The following ESD variants were observed in gnomAD, a reference collection of about 807,000 sequenced individuals.
ESD encodes the protein esterase D.
In ESD, 34 loss-of-function variants were observed where a neutral mutation model predicts 38.1. The observed-to-expected ratio is 0.89, with a 90% CI of 0.68 to 1.19. ESD has a LOEUF of 1.19. Among genes scored for constraint, ESD ranks in the 50% most tolerant of loss-of-function variants. The pLI, the probability that ESD is intolerant of heterozygous loss-of-function variation, is 0.00. For missense variants in ESD, 334 were observed against 327.2 expected (o/e 1.02, Z -0.16); for synonymous variants, 97 against 107.0 (o/e 0.91, Z 0.58).
chr13:46,790,008 ATT>A (rs544499790), intron 3 of ESD, among the ~76,000 whole-genome samples: 9 of 136,054 alleles, frequency 6.6e-5, no homozygotes, highest in South Asian at 2.4e-4. Context: ...ATATATATAT[ATT>A]TTTTTTTTTT....
intron 4 of ESD, 38 bp downstream of exon 4, chr13:46,786,983 A>G (rs761582331): frequency 7.7e-6 from 10 of 1,302,402 alleles, no homozygotes; most frequent in Non-Finnish European, 1.0e-5. Flanking sequence ...AAAAGAAAAT[A>G]GAAACGACTT....
Position 46,782,680 on chromosome 13 carries a change from T to C in ESD, c.368A>G (p.Tyr123Cys). 6.2e-7 allele frequency: 1 copy of C among 1,611,974 alleles called. No individual in the cohort carries two copies. The highest frequency in any genetic ancestry group is 8.5e-7 in the Non-Finnish European group (1 of 1,178,632). The change falls in exon 6 of 10, where the codon TAT (tyrosine) becomes TGT (cysteine). Residue 123 changes from tyrosine (Y) to cysteine (C), a missense_variant. Tyr to Cys is a radical substitution (Grantham distance 194). Transcript: ENST00000378720. ...AAATTAAATTACCTCCTCTGTGACA[T>C]AAGAGTACATTCTGTAGTTGGTTTT... ...PWKTNYRMYS[Y>C]VTEELPQLIN...
chr13:46,783,166 G>A (rs1357665614), intron 5 of ESD, among the ~76,000 whole-genome samples: 1 of 151,934 alleles, frequency 6.6e-6, no homozygotes, highest in African/African-American at 2.4e-5. Flanking sequence ...AATGTGTTGT[G>A]ATCCCTTCCC....
intron 8 of ESD, 88 bp downstream of exon 8, chr13:46,779,847 G>C: frequency 1.2e-6 from 1 of 862,258 alleles, no homozygotes; most frequent in Admixed American, 2.7e-5. Flanking sequence ...GCCCTAACAT[G>C]AGCAGGGTAG....
chr13:46,774,614 C>A (rs1411627115), intron 9 of ESD, among the ~76,000 whole-genome samples: 3 of 152,094 alleles, frequency 2.0e-5, no homozygotes, highest in Non-Finnish European at 2.9e-5. Context: ...TAAATGAACA[C>A]CTTTCATTCT....
At chr13:46,785,765 T>G (rs1289238592) in intron 4 of ESD, 1 of 152,044 alleles carries the variant, frequency 6.6e-6, no homozygotes, top group African/African-American at 2.4e-5. Flanking sequence ...TTTATACTTG[T>G]AAAGCTCAGA....
intron 6 of ESD, among the ~76,000 whole-genome samples, chr13:46,782,197 T>G (rs1875027805): frequency 1.3e-5 from 2 of 151,454 alleles, no homozygotes; most frequent in Non-Finnish European, 3.0e-5. Flanking sequence ...TTTGGGGGGG[T>G]AACAGAATTA....
At chr13:46,777,249 C>T in intron 9 of ESD, 1 of 359,246 alleles carries the variant, frequency 2.8e-6, no homozygotes. Flanking sequence ...ATATTTTTCA[C>T]TGCCAAAAGC....
At chr13:46,782,926 G>A (rs1246562526) in intron 5 of ESD, 135 bp from the exon 6 acceptor site, 1 of 1,098,594 alleles carries the variant, frequency 9.1e-7, no homozygotes, top group African/African-American at 1.6e-5. Flanking sequence ...CTGCCTTTTG[G>A]AGCACATGAT....
chr13:46,785,280 C>A (rs1381761698), intron 4 of ESD, among the ~76,000 whole-genome samples: 1 of 151,892 alleles, frequency 6.6e-6, no homozygotes, highest in Non-Finnish European at 1.5e-5. Flanking sequence ...AACTAGCAAT[C>A]GATTTTATTG....
At position 46,779,386 on chromosome 13, in the gene ESD, C is replaced by T. The variant is rs1467181371; in HGVS notation, c.600+549G>A. The stretch of plus-strand genomic sequence containing the variant: ...AAATTTAGTAACACAGGTTGAACAT[C>T]CCTAATCCAAAAATCCAAAATCAGA... On this transcript the variant is annotated intron_variant, in intron 8 of 9. Coordinates refer to ENST00000378720, the MANE Select transcript of ESD (RefSeq NM_001984.2). 3.3e-5 allele frequency among the ~76,000 whole-genome samples: 5 copies of T among 151,542 alleles called. No homozygotes were observed. In the East Asian group the frequency reaches 9.7e-4, roughly 29 times the overall value.
intron 8 of ESD, among the ~76,000 whole-genome samples, 195 bp downstream of exon 8, chr13:46,779,740 A>AAT (rs1874932887): frequency 6.8e-6 from 1 of 146,018 alleles, no homozygotes; most frequent in African/African-American, 2.5e-5. Context: ...TATATATAAT[A>AAT]ATATATATAA....
chr13:46,774,378 T>G (rs1205075036), intron 9 of ESD, among the ~76,000 whole-genome samples: 2 of 152,170 alleles, frequency 1.3e-5, no homozygotes, highest in Non-Finnish European at 2.9e-5. Flanking sequence ...GTTACACAAT[T>G]CGAGCTAATT....
At chr13:46,773,586 A>G (rs879638036) in intron 9 of ESD, among the ~76,000 whole-genome samples, 3 of 152,240 alleles carry the variant, frequency 2.0e-5, no homozygotes, top group Non-Finnish European at 2.9e-5. Flanking sequence ...AGAACAAGGA[A>G]ATCCCCAAGG....
At chr13:46,781,433 A>G in intron 7 of ESD, 63 bp downstream of exon 7, 1 of 1,421,040 alleles carries the variant, frequency 7.0e-7, no homozygotes, top group South Asian at 1.3e-5. Flanking sequence ...TTACTCTTTG[A>G]AGGTTCCTAA....
At chr13:46,790,040 C>A (rs1345059335) in intron 3 of ESD, among the ~76,000 whole-genome samples, 1 of 148,890 alleles carries the variant, frequency 6.7e-6, no homozygotes, top group Non-Finnish European at 1.5e-5. Context: ...CAGGGTTTCA[C>A]CATGTTGGCC....
intron 3 of ESD, among the ~76,000 whole-genome samples, chr13:46,789,748 T>G (rs1032687818): frequency 7.2e-5 from 11 of 152,024 alleles, no homozygotes; most frequent in African/African-American, 2.7e-4. Context: ...AACTAACCAT[T>G]CTATTGAGTT....
At chr13:46,791,259 T>C in intron 3 of ESD, 87 bp downstream of exon 3, 1 of 952,318 alleles carries the variant, frequency 1.1e-6, no homozygotes, top group Non-Finnish European at 1.6e-6. Flanking sequence ...TGAGGTACTA[T>C]AATATCTAGA....
chr13:46,792,896 C>A (rs2138306016), intron 2 of ESD, among the ~76,000 whole-genome samples: 1 of 151,956 alleles, frequency 6.6e-6, no homozygotes, highest in Non-Finnish European at 1.5e-5. Flanking sequence ...ACAAGGAAAC[C>A]AGATTTTCTT....
Sources: gnomAD v4.1 joint callset for allele counts (sites outside exome capture counted in the v4.1 genomes callset) on GRCh38, gnomAD v4.1.1 for gene constraint, MANE v1.5 for transcripts, NCBI Gene and HGNC (gene_info 2026-07-23, HGNC 2026-07-21) for gene names.